Variants in OPRM1 observed in about 807,000 individuals in gnomAD.
The protein encoded by OPRM1 is opioid receptor mu 1.
In OPRM1, 27 loss-of-function variants were observed where a neutral mutation model predicts 31.8. The observed-to-expected ratio is 0.85, with a 90% CI of 0.63 to 1.17. OPRM1 has a LOEUF of 1.17. OPRM1 is among the 50% of genes most tolerant of loss of function. The pLI is 0.00. For missense variants in OPRM1, 536 were observed against 511.1 expected (o/e 1.05, Z -0.47); for synonymous variants, 196 against 189.9 (o/e 1.03, Z -0.26).
chr6:154,103,496 A>G (rs1319748238), intron 3 of OPRM1, among the ~76,000 whole-genome samples: 3 of 152,200 alleles, frequency 2.0e-5, no homozygotes, highest in Non-Finnish European at 4.4e-5. Context: ...GCTCTTACTA[A>G]TTTCTGTAAT....
chr6:154,087,691 A>G (rs1790946348), intron 1 of OPRM1: 1 of 661,344 alleles, frequency 1.5e-6, no homozygotes, highest in Non-Finnish European at 1.9e-6. Context: ...GGCCCCGGTC[A>G]CTAAACGTCT....
chr6:154,089,661 A>G lies in OPRM1; in HGVS notation c.291-165A>G, dbSNP rs902882391. Reference sequence around the variant, plus strand: ...TTGCAGCTATTTAGCCAATAGGTACATCATTGACATCATTGTAAATAGCCA... The same window carrying G: ...TTGCAGCTATTTAGCCAATAGGTACGTCATTGACATCATTGTAAATAGCCA... On this transcript the variant is annotated intron_variant, in intron 1 of 3. Transcript: ENST00000330432. 10 of 598,222 alleles carry G rather than the reference A, an allele frequency of 1.7e-5. No homozygotes were observed. In the East Asian group the frequency reaches 2.2e-4, roughly 13 times the overall value. The allele number at this position is 598,222 out of a possible 1,614,324, so 37.1% of individuals were successfully genotyped here.
At chr6:154,142,675 G>A (rs1336537599) in intron 3 of OPRM1, among the ~76,000 whole-genome samples, 1 of 152,058 alleles carries the variant, frequency 6.6e-6, no homozygotes, top group Non-Finnish European at 1.5e-5. Flanking sequence ...TTTCATTCCT[G>A]CTCTAAAGCT....
At chr6:154,021,673 C>T (rs1192164021) in intron 1 of OPRM1, among the ~76,000 whole-genome samples, 1 of 152,072 alleles carries the variant, frequency 6.6e-6, no homozygotes, top group Non-Finnish European at 1.5e-5. Context: ...TATATATTTT[C>T]GTTAGCTTTA....
At chr6:154,187,039 ACACACTC>A (rs1269688927) in intron 3 of OPRM1, among the ~76,000 whole-genome samples, 1 of 152,024 alleles carries the variant, frequency 6.6e-6, no homozygotes, top group Non-Finnish European at 1.5e-5. Flanking sequence ...CCTCCACTCT[ACACACTC>A]CACACTCTGT....
Position 154,122,478 on chromosome 6 carries a change from G to T in OPRM1, c.*3757G>T, listed in dbSNP as rs1391344990. Among the ~76,000 whole-genome samples, 2 of 152,146 alleles carry T rather than the reference G, an allele frequency of 1.3e-5. No homozygotes were observed. The highest frequency in any genetic ancestry group is 1.9e-4 in the East Asian group (1 of 5,202). On this transcript the variant is annotated 3_prime_UTR_variant, in exon 4 of 4. Transcript: ENST00000330432. ...AGTCATAGAACAGGGCATGCAGATT[G>T]TATTTAAGACCACTGCAAGTAAGGT...
At chr6:154,197,256 G>T (rs1042120057) in intron 3 of OPRM1, among the ~76,000 whole-genome samples, 3 of 152,046 alleles carry the variant, frequency 2.0e-5, no homozygotes, top group South Asian at 2.1e-4. Flanking sequence ...ACCTTTGTCT[G>T]CAACACATAA....
At chr6:154,223,485 G>T (rs1583840494) in intron 3 of OPRM1, among the ~76,000 whole-genome samples, 1 of 152,148 alleles carries the variant, frequency 6.6e-6, no homozygotes, top group East Asian at 1.9e-4. Context: ...ACAGCTTAGG[G>T]ATGGTCACCA....
chr6:154,100,218 C>CAT (rs77321666), intron 3 of OPRM1, among the ~76,000 whole-genome samples: 3,317 of 18,796 alleles, frequency 0.18, 846 homozygotes, highest in East Asian at 0.41. Flanking sequence ...CATATTATGA[C>CAT]ATATCGTAAT....
At chr6:154,094,608 C>T (rs1313735196) in intron 3 of OPRM1, among the ~76,000 whole-genome samples, 1 of 152,188 alleles carries the variant, frequency 6.6e-6, no homozygotes, top group African/African-American at 2.4e-5. Context: ...ACTAGCTCCA[C>T]ATGGACTCTT....
At chr6:154,046,097 G>T (rs1326882627) in intron 1 of OPRM1, among the ~76,000 whole-genome samples, 3 of 152,120 alleles carry the variant, frequency 2.0e-5, no homozygotes, top group African/African-American at 7.2e-5. Context: ...GTGACTATAC[G>T]TTAGCACAGT....
At chr6:154,229,723 T>C (rs1186870309) in intron 3 of OPRM1, among the ~76,000 whole-genome samples, 1 of 152,168 alleles carries the variant, frequency 6.6e-6, no homozygotes. Flanking sequence ...CTCCTAGGTG[T>C]CTACCCAAGA....
intron 3 of OPRM1, among the ~76,000 whole-genome samples, chr6:154,162,973 A>C (rs931758070): frequency 6.6e-6 from 1 of 152,152 alleles, no homozygotes; most frequent in Non-Finnish European, 1.5e-5. Context: ...CAAAGCACTT[A>C]ATGGTAACTC....
upstream of OPRM1, among the ~76,000 whole-genome samples, chr6:154,038,385 C>T (rs567490663): frequency 7.1e-4 from 108 of 152,192 alleles, no homozygotes; most frequent in African/African-American, 2.5e-3. Context: ...AAAATAGAAG[C>T]ACTCATGGAC....
Position 154,128,043 on chromosome 6 carries a change from C to T in OPRM1, c.*9322C>T, listed in dbSNP as rs915379146. 3.3e-5 allele frequency among the ~76,000 whole-genome samples: 5 copies of T among 152,100 alleles called. No homozygotes were observed. The highest frequency in any genetic ancestry group is 2.1e-4 in the South Asian group (1 of 4,820). On this transcript the variant is annotated 3_prime_UTR_variant, in exon 4 of 4. Transcript: ENST00000330432. The stretch of plus-strand genomic sequence containing the variant: ...GCTGAGTACTTTCCATGCAAGCTAC[C>T]GCATCTGTATAAATTAGGTTCAAAT...
intron 3 of OPRM1, among the ~76,000 whole-genome samples, chr6:154,244,109 T>C (rs1300446995): frequency 6.6e-6 from 1 of 152,214 alleles, no homozygotes; most frequent in Non-Finnish European, 1.5e-5. Context: ...AGAGCGACTT[T>C]GTTGAATCTG....
intron 3 of OPRM1, 40 bp from the exon 4 acceptor site, chr6:154,118,643 T>C (rs1313767205): frequency 6.2e-7 from 1 of 1,600,080 alleles, no homozygotes; most frequent in Admixed American, 1.7e-5. Flanking sequence ...TGCAACCGTA[T>C]CTGAAATGTT....
At chr6:154,214,149 T>C in intron 3 of OPRM1, 1 of 1,022,368 alleles carries the variant, frequency 9.8e-7, no homozygotes, top group South Asian at 1.3e-5. Context: ...CTTGACATTG[T>C]TTTTTCACCC....
Position 154,129,835 on chromosome 6 carries a change from G to A in OPRM1, c.*11114G>A, listed in dbSNP as rs550861961. On this transcript the variant is annotated 3_prime_UTR_variant, in exon 4 of 4. Coordinates refer to ENST00000330432, the MANE Select transcript of OPRM1 (RefSeq NM_000914.5). ...TGCATTTTAAGCGTACTTTACCACC[G>A]ACACCCTCCCCCCCCAGCACACACA... 5.9e-5 allele frequency among the ~76,000 whole-genome samples: 8 copies of A among 136,126 alleles called. No homozygotes were observed. The highest frequency in any genetic ancestry group is 2.1e-4 in the African/African-American group (7 of 33,524). The allele number at this position is 136,126 out of a possible 152,430, so 89.3% of individuals were successfully genotyped here.
Sources: allele counts gnomAD v4.1 joint callset (sites outside exome capture counted in the v4.1 genomes callset), GRCh38; gene constraint gnomAD v4.1.1; transcripts MANE v1.5; gene names NCBI Gene and HGNC (gene_info 2026-07-23, HGNC 2026-07-21).